The following GABRA3 variants were observed in gnomAD, a reference collection of about 807,000 sequenced individuals.
GABRA3 encodes the protein gamma-aminobutyric acid type A receptor subunit alpha3.
In GABRA3, 10 loss-of-function variants were observed where a neutral mutation model predicts 30.1. The observed-to-expected ratio is 0.33, with a 90% CI of 0.20 to 0.56. GABRA3 has a LOEUF of 0.56. Ranked by LOEUF, GABRA3 falls within the 20% of genes least tolerant of loss-of-function variation. GABRA3 has a pLI of 0.89. For synonymous variants in GABRA3, 151 were observed against 146.8 expected, an observed-to-expected ratio of 1.03 and a Z score of -0.21; for missense variants, 233 against 392.0, an observed-to-expected ratio of 0.59 and a Z score of 3.42.
intron 1 of GABRA3, among the ~76,000 whole-genome samples, chrX:152,386,989 C>A (rs906349472): frequency 1.9e-5 from 2 of 106,681 alleles, no homozygotes; most frequent in African/African-American, 6.8e-5. Context: ...GAGTTCATGT[C>A]CTTTGTAGGG....
At chrX:152,178,479 A>C (rs962691842) in intron 9 of GABRA3, among the ~76,000 whole-genome samples, 2 of 111,843 alleles carry the variant, frequency 1.8e-5, no homozygotes, top group Admixed American at 1.9e-4. Flanking sequence ...TAAGGACAAG[A>C]AACTAAGCTT....
chrX:152,430,990 CT>C (rs36065391), intron 1 of GABRA3, among the ~76,000 whole-genome samples: 1 of 111,301 alleles, frequency 9.0e-6, no homozygotes, highest in Non-Finnish European at 1.9e-5. Flanking sequence ...ATCCCATAGG[CT>C]TTTTTTGAAA....
intron 1 of GABRA3, among the ~76,000 whole-genome samples, chrX:152,401,668 T>G (rs1929800168): frequency 8.9e-6 from 1 of 111,755 alleles, no homozygotes. Context: ...ATGGCGAAAA[T>G]TCAGTTATAC....
intron 1 of GABRA3, among the ~76,000 whole-genome samples, chrX:152,370,423 C>G (rs1928805349): frequency 9.0e-6 from 1 of 111,646 alleles, no homozygotes; most frequent in Admixed American, 9.5e-5. Flanking sequence ...CATTTAAGGT[C>G]ATCTAATTCC....
Position 152,364,460 on chromosome X carries a change from G to A in GABRA3, c.111C>T (p.Pro37=), listed in dbSNP as rs193253530. 42 of 1,207,291 alleles carry A rather than the reference G, an allele frequency of 3.5e-5. No homozygotes were observed. Among genetic ancestry groups the A allele is most frequent in the African/African-American group, 1.1e-4 (6 of 56,858 alleles). Residue 37 remains proline, a synonymous_variant, in exon 2 of 10, where the codon CCC becomes CCT. Transcript: ENST00000370314. The part of the protein sequence containing the change: ...TGQGESRRQE[P]GDFVKQDIGG... ...CAATGTCCTGCTTCACAAAGTCCCCGGGTTCTTGTCGTCTTGATTCCCCTT... is the reference window on the plus strand; with the variant it reads ...CAATGTCCTGCTTCACAAAGTCCCCAGGTTCTTGTCGTCTTGATTCCCCTT...
chrX:152,267,572 G>A (rs901992101), intron 4 of GABRA3, among the ~76,000 whole-genome samples: 9 of 111,254 alleles, frequency 8.1e-5, no homozygotes, highest in Non-Finnish European at 1.3e-4. Context: ...TGAAGAGTTT[G>A]AGTGAATTGG....
At chrX:152,430,157 A>T (rs1930618157) in intron 1 of GABRA3, among the ~76,000 whole-genome samples, 1 of 111,970 alleles carries the variant, frequency 8.9e-6, no homozygotes, top group African/African-American at 3.2e-5. Context: ...GATGACAACT[A>T]AATCATAAAA....
chrX:152,175,181 C>T lies in GABRA3; in HGVS notation c.1144-6618G>A, dbSNP rs189664179. ...ATTAGGGACAGAGAGTAACTGCAGG[C>T]ATAGGTTGAAGGAACAGCAGAATTC... On this transcript the variant is annotated intron_variant, in intron 9 of 9. Transcript: ENST00000370314. Among the ~76,000 whole-genome samples, 3 of 110,788 alleles carry T rather than the reference C, an allele frequency of 2.7e-5. No individual in the cohort carries two copies. In the Admixed American group the frequency reaches 2.9e-4, roughly 11 times the overall value.
rs144104280 is a variant in GABRA3, at chrX:152,205,905, A to G, written c.778+2096T>C. On this transcript the variant is annotated intron_variant, in intron 7 of 9. Transcript: ENST00000370314. ...ATCAGTTAATGTACCGAAATCTTCT[A>G]AGATATTTCTAGAAAGTGGAAACAA... Among the ~76,000 whole-genome samples, 1,975 of 112,977 alleles carry G rather than the reference A, an allele frequency of 0.017. 94 individuals carry two copies. In the East Asian group the frequency reaches 0.23, roughly 13 times the overall value.
At chrX:152,389,494 C>T (rs1230127040) in intron 1 of GABRA3, 1 of 111,483 alleles carries the variant, frequency 9.0e-6, no homozygotes. Flanking sequence ...GATGAAGCGG[C>T]ACTACTAGAG....
At chrX:152,205,245 G>A (rs1937522552) in intron 7 of GABRA3, among the ~76,000 whole-genome samples, 1 of 111,490 alleles carries the variant, frequency 9.0e-6, no homozygotes, top group South Asian at 3.8e-4. Context: ...GGGGAAATTG[G>A]CTTGCTCATC....
At chrX:152,209,180 T>C (rs988607462) in intron 6 of GABRA3, among the ~76,000 whole-genome samples, 1 of 112,527 alleles carries the variant, frequency 8.9e-6, no homozygotes, top group African/African-American at 3.2e-5. Flanking sequence ...CCTTTTCTTT[T>C]GCATCAGCAT....
intron 6 of GABRA3, among the ~76,000 whole-genome samples, chrX:152,208,953 T>C (rs1032717761): frequency 8.9e-6 from 1 of 111,896 alleles, no homozygotes; most frequent in Non-Finnish European, 1.9e-5. Context: ...CAGAGGTACC[T>C]TGAATAAGTA....
At chrX:152,361,412 A>C (rs1928497709) in intron 2 of GABRA3, among the ~76,000 whole-genome samples, 1 of 108,180 alleles carries the variant, frequency 9.2e-6, no homozygotes, top group South Asian at 4.2e-4. Context: ...ATCTCTACTA[A>C]AAATACAAAA....
intron 5 of GABRA3, among the ~76,000 whole-genome samples, chrX:152,241,575 T>C (rs1938372794): frequency 9.1e-6 from 1 of 109,393 alleles, no homozygotes; most frequent in Admixed American, 9.6e-5. Context: ...TAAGCAAGCC[T>C]GGGCAATGGC....
chrX:152,356,385 A>G (rs1281101131), intron 2 of GABRA3, among the ~76,000 whole-genome samples: 1 of 111,933 alleles, frequency 8.9e-6, no homozygotes, highest in Non-Finnish European at 1.9e-5. Flanking sequence ...GGATAAAATA[A>G]TGCAGTAATG....
intron 9 of GABRA3, among the ~76,000 whole-genome samples, chrX:152,183,906 G>A (rs1229491102): frequency 9.0e-6 from 1 of 110,937 alleles, no homozygotes; most frequent in Non-Finnish European, 1.9e-5. Flanking sequence ...TATTGTGGTT[G>A]GGAAAGATAC....
chrX:152,384,486 A>T (rs1229426), intron 1 of GABRA3, among the ~76,000 whole-genome samples: 51,638 of 110,945 alleles, frequency 0.47, 10,274 homozygotes, highest in Non-Finnish European at 0.63. Flanking sequence ...TTGATTTGTG[A>T]CTAAAGTAGC....
intron 7 of GABRA3, among the ~76,000 whole-genome samples, chrX:152,199,342 G>T (rs1405309364): frequency 9.6e-6 from 1 of 104,583 alleles, no homozygotes; most frequent in Admixed American, 1.0e-4. Flanking sequence ...CTCCAGCCTG[G>T]GCAACAGGCG....
Sources: allele counts gnomAD v4.1 joint callset (sites outside exome capture counted in the v4.1 genomes callset), GRCh38; gene constraint gnomAD v4.1.1; transcripts MANE v1.5; gene names NCBI Gene and HGNC (gene_info 2026-07-23, HGNC 2026-07-21).